The following SYCP1 variants were observed in gnomAD, a reference collection of about 807,000 sequenced individuals.
SYCP1 encodes the protein synaptonemal complex protein 1.
Under a neutral mutation model 153.1 loss-of-function variants are expected in SYCP1, and 64 were observed. The ratio of observed to expected loss-of-function variants is 0.42; its 90% CI spans 0.34 to 0.51. The LOEUF (loss-of-function observed/expected upper bound fraction) is 0.51, where lower values mean the gene tolerates loss of function less well. SYCP1 is among the 20% of genes least tolerant of loss of function. SYCP1 has a pLI of 0.06. For missense variants in SYCP1, 997 were observed against 1,049.0 expected, an observed-to-expected ratio of 0.95 and a Z score of 0.68; for synonymous variants, 384 against 341.8, an observed-to-expected ratio of 1.12 and a Z score of -1.36.
intron 12 of SYCP1, among the ~76,000 whole-genome samples, chr1:114,880,513 T>C (rs1009866660): frequency 5.9e-5 from 9 of 152,296 alleles, no homozygotes; most frequent in African/African-American, 2.2e-4. Context: ...TTGGGCTGAT[T>C]ATCTGATTCC....
chr1:114,948,225 A>C (rs1383697934), intron 27 of SYCP1, among the ~76,000 whole-genome samples: 4 of 152,182 alleles, frequency 2.6e-5, no homozygotes, highest in African/African-American at 4.8e-5. Flanking sequence ...TATAAATGAC[A>C]AATACTATTT....
intron 23 of SYCP1, among the ~76,000 whole-genome samples, chr1:114,928,480 T>C (rs1669404059): frequency 6.6e-6 from 1 of 152,174 alleles, no homozygotes; most frequent in Admixed American, 6.5e-5. Flanking sequence ...TCAAAAGCTG[T>C]ACCCTAAGCA....
chr1:114,994,674 C>T, intron 30 of SYCP1, 24 bp from the exon 31 acceptor site: 1 of 1,513,496 alleles, frequency 6.6e-7, no homozygotes, highest in Non-Finnish European at 8.9e-7. Context: ...AACCCAACAT[C>T]ATATTTTTTT....
At chr1:114,873,183 T>C (rs1280172398) in intron 8 of SYCP1, among the ~76,000 whole-genome samples, 1 of 152,170 alleles carries the variant, frequency 6.6e-6, no homozygotes, top group Non-Finnish European at 1.5e-5. Flanking sequence ...CTTGTCAAAG[T>C]GTATTTTTTG....
chr1:114,916,468 G>C (rs2101695767), intron 20 of SYCP1, among the ~76,000 whole-genome samples: 1 of 152,024 alleles, frequency 6.6e-6, no homozygotes, highest in East Asian at 1.9e-4. Context: ...GTCCTAAAAT[G>C]TTTTAATTGA....
chr1:114,985,584 T>C (rs1673444071), intron 30 of SYCP1, among the ~76,000 whole-genome samples: 1 of 151,994 alleles, frequency 6.6e-6, no homozygotes, highest in African/African-American at 2.4e-5. Flanking sequence ...TATTCCCACT[T>C]ATAACTAGAA....
At chr1:114,920,673 T>C (rs993505479) in intron 20 of SYCP1, among the ~76,000 whole-genome samples, 2 of 152,184 alleles carry the variant, frequency 1.3e-5, no homozygotes, top group African/African-American at 2.4e-5. Context: ...TGGGTGCATA[T>C]ATCTTTGTAA....
chr1:114,968,176 G>A (rs930079837), intron 27 of SYCP1, among the ~76,000 whole-genome samples: 1 of 152,080 alleles, frequency 6.6e-6, no homozygotes, highest in Non-Finnish European at 1.5e-5. Context: ...TCTTCTCTAG[G>A]AGTATCTTTG....
chr1:114,878,288 G>A, intron 12 of SYCP1, 86 bp downstream of exon 12: 1 of 914,956 alleles, frequency 1.1e-6, no homozygotes, highest in Admixed American at 2.4e-5. Flanking sequence ...CAAGTTTGTT[G>A]TAATGCTTTC....
chr1:114,877,771 G>A (rs1296906013), intron 11 of SYCP1, among the ~76,000 whole-genome samples: 1 of 152,078 alleles, frequency 6.6e-6, no homozygotes, highest in Admixed American at 6.6e-5. Flanking sequence ...AGCTGAATTG[G>A]GCAGGATAGC....
At chr1:114,987,413 T>C (rs1029533711) in intron 30 of SYCP1, among the ~76,000 whole-genome samples, 2 of 152,048 alleles carry the variant, frequency 1.3e-5, no homozygotes, top group African/African-American at 4.8e-5. Context: ...ACGCCTGTAA[T>C]TTCACCACTT....
intron 23 of SYCP1, among the ~76,000 whole-genome samples, chr1:114,929,072 G>A (rs1186889213): frequency 3.3e-5 from 5 of 151,988 alleles, no homozygotes; most frequent in African/African-American, 1.2e-4. Context: ...TTTTTACAAC[G>A]TGACACTAAT....
intron 18 of SYCP1, among the ~76,000 whole-genome samples, chr1:114,912,710 A>G (rs1279153075): frequency 1.3e-5 from 2 of 152,036 alleles, no homozygotes; most frequent in South Asian, 2.1e-4. Flanking sequence ...TGGAGAGGAA[A>G]AAATTATTGA....
At chr1:114,941,057 T>C (rs900877454) in intron 23 of SYCP1, among the ~76,000 whole-genome samples, 7 of 152,142 alleles carry the variant, frequency 4.6e-5, no homozygotes, top group Non-Finnish European at 1.0e-4. Context: ...GGGGATTGGT[T>C]CCAGAACCCC....
In SYCP1 at chr1:114,927,104, C is replaced by T. The variant is rs543317204; in HGVS notation, c.1926+541C>T. On this transcript the variant is annotated intron_variant, in intron 23 of 31. Transcript: ENST00000369522. ...GAATTATGAATGGAAAACAGCATTT[C>T]TCATTGTATTAATTATGTGCTTTTT... Among the ~76,000 whole-genome samples the T allele has an allele frequency of 5.3e-5, 8 of 151,992 alleles. No homozygotes were observed. In the South Asian group the frequency reaches 1.7e-3, roughly 32 times the overall value.
chr1:114,888,768 A>G (rs1183140513), intron 15 of SYCP1, among the ~76,000 whole-genome samples: 2 of 152,050 alleles, frequency 1.3e-5, no homozygotes, highest in South Asian at 2.1e-4. Context: ...GGTTTGTTAT[A>G]TAGGTATACA....
At chr1:114,931,300 C>G (rs930534000) in intron 23 of SYCP1, among the ~76,000 whole-genome samples, 1 of 152,014 alleles carries the variant, frequency 6.6e-6, no homozygotes, top group Admixed American at 6.6e-5. Context: ...ATAAAACTGT[C>G]TCTTCATAAA....
intron 28 of SYCP1, among the ~76,000 whole-genome samples, 193 bp from the exon 29 acceptor site, chr1:114,981,143 A>G (rs1306525139): frequency 6.6e-6 from 1 of 152,020 alleles, no homozygotes; most frequent in Non-Finnish European, 1.5e-5. Flanking sequence ...TAACATTTGC[A>G]TCTTAAATGG....
At chr1:114,988,214 G>C (rs962389329) in intron 30 of SYCP1, among the ~76,000 whole-genome samples, 1 of 150,808 alleles carries the variant, frequency 6.6e-6, no homozygotes, top group Non-Finnish European at 1.5e-5. Context: ...AGGAAGAGGT[G>C]GGGGGGTAGA....
Sources: gnomAD v4.1 joint callset for allele counts (sites outside exome capture counted in the v4.1 genomes callset) on GRCh38, gnomAD v4.1.1 for gene constraint, MANE v1.5 for transcripts, NCBI Gene and HGNC (gene_info 2026-07-23, HGNC 2026-07-21) for gene names.